The following ARHGAP36 variants were observed in gnomAD, a reference collection of about 807,000 sequenced individuals.
ARHGAP36 encodes the protein Rho GTPase activating protein 36.
Under a neutral mutation model 32.9 loss-of-function variants are expected in ARHGAP36, and 7 were observed. That is an observed-to-expected ratio of 0.21 (90% CI 0.12 to 0.40). ARHGAP36 has a LOEUF of 0.40. Among genes scored for constraint, ARHGAP36 ranks in the 10% least tolerant of loss-of-function variants. The probability of loss-of-function intolerance (pLI) is 1.00; values close to 1 mark genes in which losing one functional copy is unlikely to be tolerated. For missense variants in ARHGAP36, 383 were observed against 442.2 expected (o/e 0.87, Z 1.20); for synonymous variants, 165 against 168.3 (o/e 0.98, Z 0.15).
At chrX:131,085,123 G>A in intron 7 of ARHGAP36, 59 bp downstream of exon 7, 1 of 1,129,277 alleles carries the variant, frequency 8.9e-7, no homozygotes, top group East Asian at 3.1e-5. Context: ...GGGTCTAGGG[G>A]GTTCTAGGGA....
At chrX:131,082,345 G>C (rs1415653540) in intron 2 of ARHGAP36, among the ~76,000 whole-genome samples, 3 of 112,484 alleles carry the variant, frequency 2.7e-5, no homozygotes, top group African/African-American at 6.5e-5. Context: ...AAGACAGTGC[G>C]TGAGAGAGAG....
At chrX:131,088,574 C>T (rs751528323) in intron 11 of ARHGAP36, 54 bp from the exon 12 acceptor site, 102 of 1,164,782 alleles carry the variant, frequency 8.8e-5, no homozygotes, top group Non-Finnish European at 1.1e-4. Flanking sequence ...TTGGGTGCTG[C>T]GCAAAGTATA....
At chrX:131,061,411 G>A (rs893542174) in intron 1 of ARHGAP36, among the ~76,000 whole-genome samples, 31 of 110,689 alleles carry the variant, frequency 2.8e-4, no homozygotes, top group Non-Finnish European at 4.9e-4. Flanking sequence ...GCCCAGAAAG[G>A]CCTTCTTTCC....
At chrX:131,076,247 T>G (rs775088405) in intron 1 of ARHGAP36, among the ~76,000 whole-genome samples, 13 of 112,272 alleles carry the variant, frequency 1.2e-4, no homozygotes, top group Non-Finnish European at 2.3e-4. Context: ...TTTTAACTTC[T>G]TCCACCACAA....
At position 131,086,152 on chromosome X, in the gene ARHGAP36, C is replaced by T; in HGVS notation, c.1281+63C>T. Reference sequence around the variant, plus strand: ...CATCTCCTGTTCACAAGGCAAGGCACAGTTGTACCTGCATCTTTGAGGGTA... The same window carrying T: ...CATCTCCTGTTCACAAGGCAAGGCATAGTTGTACCTGCATCTTTGAGGGTA... On this transcript the variant is annotated intron_variant, in intron 9 of 11. Coordinates refer to ENST00000276211, the MANE Select transcript of ARHGAP36 (RefSeq NM_144967.4). The T allele has an allele frequency of 2.6e-6, 3 of 1,163,614 alleles. No homozygotes were observed. The Admixed American group carries it at 6.8e-5, about 26-fold the overall frequency.
rs2079832911 is a variant in ARHGAP36, at chrX:131,085,881, G to A, written c.1105-32G>A. ...TTGTACAACTCCCAGTACTACCTCA[G>A]CGTCAATCACTTTCTGCTTTCCTTT... is the stretch of plus-strand genomic sequence containing the variant. On this transcript the variant is annotated intron_variant, in intron 8 of 11. Coordinates refer to ENST00000276211, the MANE Select transcript of ARHGAP36 (RefSeq NM_144967.4). The A allele has an allele frequency of 2.5e-6, 3 of 1,201,878 alleles. No homozygotes were observed. The African/African-American group carries it at 5.3e-5, about 21-fold the overall frequency.
intron 3 of ARHGAP36, among the ~76,000 whole-genome samples, chrX:131,083,498 G>C: frequency 8.9e-6 from 1 of 112,103 alleles, no homozygotes; most frequent in Non-Finnish European, 1.9e-5. Context: ...CACCCCCAGG[G>C]AAAATTTAAG....
chrX:131,080,452 G>A (rs113044550), intron 1 of ARHGAP36, among the ~76,000 whole-genome samples: 1 of 110,786 alleles, frequency 9.0e-6, no homozygotes, highest in East Asian at 2.8e-4. Flanking sequence ...AATCTTTAGC[G>A]CCTGGCACAA....
chrX:131,074,276 C>T (rs1603393449), intron 1 of ARHGAP36, among the ~76,000 whole-genome samples: 2 of 111,660 alleles, frequency 1.8e-5, no homozygotes, highest in South Asian at 7.6e-4. Flanking sequence ...AATTAAGTCT[C>T]ATTTCCCTTT....
intron 1 of ARHGAP36, among the ~76,000 whole-genome samples, chrX:131,075,623 ATG>A (rs5903808): frequency 0.17 from 16,991 of 98,051 alleles, 1,707 homozygotes; most frequent in East Asian, 0.4. Flanking sequence ...GTGTATATAT[ATG>A]TGTGTGTGTG....
chrX:131,068,009 C>T (rs2079709329), intron 1 of ARHGAP36, among the ~76,000 whole-genome samples: 1 of 111,577 alleles, frequency 9.0e-6, no homozygotes, highest in African/African-American at 3.3e-5. Context: ...GACCACAAAC[C>T]CCGGCAGGAA....
chrX:131,089,586 G>A lies in ARHGAP36; in HGVS notation c.*801G>A, dbSNP rs1450432439. On this transcript the variant is annotated 3_prime_UTR_variant, in exon 12 of 12. Transcript: ENST00000276211. ...GGTAAGGACATATAGTTCCAAGTAGGTAAAGTCACTTGATTACAAATGTTC... is the reference window on the plus strand; with the variant it reads ...GGTAAGGACATATAGTTCCAAGTAGATAAAGTCACTTGATTACAAATGTTC... 2 of 113,075 alleles carry A rather than the reference G, an allele frequency of 1.8e-5. No homozygotes were observed. The highest frequency in any genetic ancestry group is 6.5e-5 in the African/African-American group (2 of 31,007). The allele number at this position is 113,075 out of a possible 1,213,427, so 9.3% of individuals were successfully genotyped here.
In ARHGAP36 at chrX:131,064,433, C is replaced by G. The variant is rs191591345; in HGVS notation, c.-143+5989C>G. ...TTGGCAGTTTAGTCAGTTGGCTCCA[C>G]TCCCTGAACACCATGGTTGAGACAC... is the stretch of plus-strand genomic sequence containing the variant. On this transcript the variant is annotated intron_variant, in intron 1 of 11. Transcript: ENST00000276211. 3.6e-5 allele frequency among the ~76,000 whole-genome samples: 4 copies of G among 111,821 alleles called. No individual in the cohort carries two copies. In the Admixed American group the frequency reaches 3.8e-4, roughly 11 times the overall value.
At chrX:131,082,638 G>A (rs1257376443) in intron 2 of ARHGAP36, among the ~76,000 whole-genome samples, 1 of 113,380 alleles carries the variant, frequency 8.8e-6, no homozygotes, top group African/African-American at 3.2e-5. Flanking sequence ...TGAATTGAGC[G>A]AAGCAAAGGG....
At chrX:131,065,762 G>A (rs1168250421) in intron 1 of ARHGAP36, among the ~76,000 whole-genome samples, 1 of 111,736 alleles carries the variant, frequency 8.9e-6, no homozygotes. Flanking sequence ...AGGCCCAGCT[G>A]GGGGGAAGCT....
chrX:131,088,815 G>A lies in ARHGAP36; in HGVS notation c.*30G>A, dbSNP rs1569370277. ...TTTTCCTTCTATAAGGTGCCAGACA[G>A]GGGAAAAGGGTGGGGGTACATCTGG... On this transcript the variant is annotated 3_prime_UTR_variant, in exon 12 of 12. Coordinates refer to ENST00000276211, the MANE Select transcript of ARHGAP36 (RefSeq NM_144967.4). The A allele has an allele frequency of 8.5e-7, 1 of 1,181,274 alleles. No homozygotes were observed. The highest frequency in any genetic ancestry group is 1.1e-6 in the Non-Finnish European group (1 of 881,665).
At chrX:131,080,733 T>C (rs2079792242) in intron 1 of ARHGAP36, among the ~76,000 whole-genome samples, 1 of 112,612 alleles carries the variant, frequency 8.9e-6, no homozygotes, top group African/African-American at 3.2e-5. Flanking sequence ...TGATGTTTGT[T>C]GGTTTTGGTA....
intron 1 of ARHGAP36, among the ~76,000 whole-genome samples, chrX:131,072,672 A>C (rs1219982814): frequency 8.9e-6 from 1 of 111,747 alleles, no homozygotes; most frequent in Non-Finnish European, 1.9e-5. Flanking sequence ...GGTTCAGAGC[A>C]TTCAGAGGGA....
chrX:131,078,917 TTCTC>T (rs905163631), intron 1 of ARHGAP36, among the ~76,000 whole-genome samples: 8 of 111,709 alleles, frequency 7.2e-5, no homozygotes, highest in Non-Finnish European at 1.3e-4. Flanking sequence ...TCAAAGGCTT[TTCTC>T]TCTCTCTCCT....
Sources: gnomAD v4.1 joint callset for allele counts (sites outside exome capture counted in the v4.1 genomes callset) on GRCh38, gnomAD v4.1.1 for gene constraint, MANE v1.5 for transcripts, NCBI Gene and HGNC (gene_info 2026-07-23, HGNC 2026-07-21) for gene names.